Variants in ABCD2 observed in about 807,000 individuals in gnomAD.
The protein encoded by ABCD2 is ATP-binding cassette sub-family D member 2.
In ABCD2, 36 loss-of-function variants were observed where a neutral mutation model predicts 70.9. The ratio of observed to expected loss-of-function variants is 0.51; its 90% CI spans 0.39 to 0.67. The LOEUF (loss-of-function observed/expected upper bound fraction) is 0.67. Ranked by LOEUF, ABCD2 falls within the 30% of genes least tolerant of loss-of-function variation. The pLI is 0.00. For missense variants in ABCD2, 729 were observed against 890.2 expected, an observed-to-expected ratio of 0.82 and a Z score of 2.30; for synonymous variants, 304 against 306.9, an observed-to-expected ratio of 0.99 and a Z score of 0.10.
intron 8 of ABCD2, among the ~76,000 whole-genome samples, chr12:39,579,164 C>T (rs1022038089): frequency 1.3e-5 from 2 of 152,212 alleles, no homozygotes; most frequent in African/African-American, 4.8e-5. Flanking sequence ...GAGTTCAAGA[C>T]CAGCCTGGCC....
chr12:39,533,756 G>A, the ABCD2 span, among the ~76,000 whole-genome samples: 8 of 152,178 alleles, frequency 5.3e-5, no homozygotes, highest in Non-Finnish European at 8.8e-5. Flanking sequence ...TCCCTAACAC[G>A]TCTTGTTTCA....
chr12:39,607,686 A>G lies in ABCD2; in HGVS notation c.1149T>C (p.Ser383=). ...GEDGQKQVMV[S]ERTEAFTTAR... ...CAGTGGTAAAGGCTTCTGTCCGTTC[A>G]CTAACCATAACTTGCTTTTGGCCAT... is the stretch of plus-strand genomic sequence containing the variant. Residue 383 remains serine (S), a synonymous_variant, in exon 3 of 10, where the codon AGT becomes AGC. Coordinates refer to ENST00000308666, the MANE Select transcript of ABCD2 (RefSeq NM_005164.4). The G allele has an allele frequency of 6.2e-7, 1 of 1,612,194 alleles. No homozygotes were observed. Among genetic ancestry groups the G allele is most frequent in the Non-Finnish European group, 8.5e-7 (1 of 1,179,520 alleles).
At chr12:39,607,337 C>A (rs951066859) in intron 3 of ABCD2, among the ~76,000 whole-genome samples, 1 of 151,940 alleles carries the variant, frequency 6.6e-6, no homozygotes, top group African/African-American at 2.4e-5. Flanking sequence ...AGAGTTCATA[C>A]CTAAGGGTTT....
intron 6 of ABCD2, among the ~76,000 whole-genome samples, chr12:39,596,196 C>T (rs1193404027): frequency 6.6e-6 from 1 of 152,156 alleles, no homozygotes; most frequent in Admixed American, 6.5e-5. Context: ...GAAACTGATG[C>T]AATCCATGGC....
downstream of ABCD2, among the ~76,000 whole-genome samples, chr12:39,545,091 C>T (rs1276419576): frequency 6.6e-6 from 1 of 152,156 alleles, no homozygotes; most frequent in Non-Finnish European, 1.5e-5. Context: ...TAATTTTTGT[C>T]TCTCTAGTCC....
chr12:39,612,098 G>A (rs916477056), intron 2 of ABCD2, among the ~76,000 whole-genome samples: 2 of 152,100 alleles, frequency 1.3e-5, no homozygotes, highest in Non-Finnish European at 2.9e-5. Context: ...AAGATATGGA[G>A]GAAATAGAAC....
the ABCD2 span, among the ~76,000 whole-genome samples, chr12:39,533,524 T>G: frequency 6.6e-6 from 1 of 152,204 alleles, no homozygotes; most frequent in Non-Finnish European, 1.5e-5. Context: ...AGGACTTTTC[T>G]CATACCTCAC....
intron 3 of ABCD2, among the ~76,000 whole-genome samples, chr12:39,606,874 C>A (rs1281684376): frequency 6.6e-6 from 1 of 152,070 alleles, no homozygotes; most frequent in African/African-American, 2.4e-5. Context: ...TATTTATTAA[C>A]CACACAGTAT....
At chr12:39,580,651 A>G (rs1591980848) in intron 7 of ABCD2, among the ~76,000 whole-genome samples, 2 of 152,152 alleles carry the variant, frequency 1.3e-5, no homozygotes, top group African/African-American at 2.4e-5. Context: ...ATAAAACCAT[A>G]GTTCCACTGC....
intron 2 of ABCD2, among the ~76,000 whole-genome samples, chr12:39,609,629 T>C (rs1057304933): frequency 3.9e-5 from 6 of 152,302 alleles, no homozygotes; most frequent in African/African-American, 1.2e-4. Flanking sequence ...AAACTAGATA[T>C]TATAAGCTAA....
Position 39,603,796 on chromosome 12 carries a change from CT to C in ABCD2, c.1500+115del, listed in dbSNP as rs1392658318. The C allele has an allele frequency of 6.8e-6, 5 of 734,776 alleles. No individual in the cohort carries two copies. In the African/African-American group the frequency reaches 8.9e-5, roughly 13 times the overall value. 45.5% of individuals were successfully genotyped at this position (734,776 alleles called of 1,614,324 possible). On this transcript the variant is annotated intron_variant, in intron 5 of 9. Coordinates refer to ENST00000308666, the MANE Select transcript of ABCD2 (RefSeq NM_005164.4). Reference sequence around the variant, plus strand: ...TAATTGAGCCACTGTGCATACCTTTCTTGATTTCCCCTTTCCAAATGCTCCT... The same window carrying C: ...TAATTGAGCCACTGTGCATACCTTTCTGATTTCCCCTTTCCAAATGCTCCT...
chr12:39,563,129 A>T (rs1193623070), intron 9 of ABCD2, among the ~76,000 whole-genome samples: 1 of 152,180 alleles, frequency 6.6e-6, no homozygotes, highest in Non-Finnish European at 1.5e-5. Context: ...TGCTAAAAAC[A>T]CTCAACAAAC....
rs1941401664 is a variant in ABCD2 at position 39,568,843 on chromosome 12, A to T, written c.2003+4873T>A. ...TTTCTGTTTGTTAGTTTTCCTGCTAACAGTCAGGACCCTCAACTGCAGGTC... is the reference window on the plus strand; with the variant it reads ...TTTCTGTTTGTTAGTTTTCCTGCTATCAGTCAGGACCCTCAACTGCAGGTC... On this transcript the variant is annotated intron_variant, in intron 9 of 9. Transcript: ENST00000308666. Among the ~76,000 whole-genome samples, 3 of 152,154 alleles carry T rather than the reference A, an allele frequency of 2.0e-5. No homozygotes were observed. The South Asian group carries it at 6.2e-4, about 32-fold the overall frequency.
chr12:39,571,781 A>T (rs933213201), intron 9 of ABCD2, among the ~76,000 whole-genome samples: 1 of 152,232 alleles, frequency 6.6e-6, no homozygotes, highest in Admixed American at 6.5e-5. Flanking sequence ...AATTCTATCC[A>T]GGAATCAGAA....
rs1941504670 is a variant in ABCD2 at position 39,575,541 on chromosome 12, A to C, written c.1878-1700T>G. Among the ~76,000 whole-genome samples the C allele has an allele frequency of 2.0e-5, 3 of 152,194 alleles. No individual in the cohort carries two copies. In the South Asian group the frequency reaches 6.2e-4, roughly 32 times the overall value. ...TATCCCCTTAAGACAGGAGTTTTTC[A>C]ATCATTCTTGAGCTATTAAAACATT... On this transcript the variant is annotated intron_variant, in intron 8 of 9. Coordinates refer to ENST00000308666, the MANE Select transcript of ABCD2 (RefSeq NM_005164.4).
At chr12:39,590,426 A>G (rs548837553) in intron 6 of ABCD2, among the ~76,000 whole-genome samples, 5 of 152,302 alleles carry the variant, frequency 3.3e-5, no homozygotes, top group African/African-American at 1.2e-4. Context: ...GTTTTAATTT[A>G]CTTTCTATAA....
chr12:39,588,955 A>G (rs564032436), intron 6 of ABCD2, among the ~76,000 whole-genome samples: 2 of 152,308 alleles, frequency 1.3e-5, no homozygotes, highest in Non-Finnish European at 2.9e-5. Context: ...AAATTTAAAT[A>G]TGGACTGTAT....
chr12:39,593,406 C>T (rs1406832608), intron 6 of ABCD2, among the ~76,000 whole-genome samples: 1 of 152,164 alleles, frequency 6.6e-6, no homozygotes, highest in African/African-American at 2.4e-5. Context: ...GCAAGTACCA[C>T]CATATCCAGC....
At chr12:39,602,782 C>G (rs1941918006) in intron 5 of ABCD2, among the ~76,000 whole-genome samples, 1 of 151,954 alleles carries the variant, frequency 6.6e-6, no homozygotes, top group Non-Finnish European at 1.5e-5. Flanking sequence ...AGTTAGTAAG[C>G]AAAGCTCAAG....
Sources: gnomAD v4.1 joint callset for allele counts (sites outside exome capture counted in the v4.1 genomes callset) on GRCh38, gnomAD v4.1.1 for gene constraint, MANE v1.5 for transcripts, NCBI Gene and HGNC (gene_info 2026-07-23, HGNC 2026-07-21) for gene names.